The following PRKCE variants were observed in gnomAD, a reference collection of about 807,000 sequenced individuals.
The protein encoded by PRKCE is protein kinase C epsilon, also known as protein kinase C epsilon type.
Under a neutral mutation model 85.4 loss-of-function variants are expected in PRKCE, and 16 were observed. That is an observed-to-expected ratio of 0.19 (90% confidence interval 0.13 to 0.28). The LOEUF is 0.28. Ranked by LOEUF, PRKCE falls within the 10% of genes least tolerant of loss-of-function variation. The probability of loss-of-function intolerance (pLI) is 1.00; values close to 1 mark genes in which losing one functional copy is unlikely to be tolerated. For synonymous variants in PRKCE, 388 were observed against 371.5 expected (o/e 1.04, Z -0.51); for missense variants, 573 against 975.2 (o/e 0.59, Z 5.49).
intron 1 of PRKCE, among the ~76,000 whole-genome samples, chr2:45,660,997 C>A (rs1675610252): frequency 1.3e-5 from 2 of 152,128 alleles, no homozygotes; most frequent in South Asian, 4.1e-4. Flanking sequence ...AGAAGCCTAT[C>A]ATGAAACCCA....
intron 13 of PRKCE, among the ~76,000 whole-genome samples, chr2:46,153,480 A>C (rs1291249892): frequency 6.6e-6 from 1 of 152,204 alleles, no homozygotes; most frequent in East Asian, 1.9e-4. Context: ...GAGGCTCAGG[A>C]AATGAGGAGC....
At chr2:45,958,807 TATATATATA>T (rs1348338956) in intron 2 of PRKCE, among the ~76,000 whole-genome samples, 24 of 27,224 alleles carry the variant, frequency 8.8e-4, no homozygotes, top group African/African-American at 3.2e-3. Flanking sequence ...TATATATATA[TATATATATA>T]TTTTTTTTTT....
chr2:46,018,455 G>A (rs1706355621), intron 10 of PRKCE, among the ~76,000 whole-genome samples: 1 of 152,070 alleles, frequency 6.6e-6, no homozygotes, highest in South Asian at 2.1e-4. Flanking sequence ...GGGCCACAGA[G>A]TGAAACTCCA....
chr2:46,071,314 T>C (rs1668065308), intron 10 of PRKCE, among the ~76,000 whole-genome samples: 1 of 152,238 alleles, frequency 6.6e-6, no homozygotes. Flanking sequence ...CATGGAGCCA[T>C]AGGCTGCTAC....
At position 45,744,475 on chromosome 2, in the gene PRKCE, T is replaced by C. The variant is rs1255435059; in HGVS notation, c.348+92027T>C. 1.2e-4 allele frequency among the ~76,000 whole-genome samples: 7 copies of C among 56,368 alleles called. 1 individual carries two copies. Among genetic ancestry groups the C allele is most frequent in the Non-Finnish European group, 2.2e-4 (6 of 27,896 alleles). The allele number at this position is 56,368 out of a possible 152,430, so 37.0% of individuals were successfully genotyped here. On this transcript the variant is annotated intron_variant, in intron 1 of 14. Coordinates refer to ENST00000306156, the MANE Select transcript of PRKCE (RefSeq NM_005400.3). ...TTTCTTTCTTTCTTTCTTTCTTTCT[T>C]TCTTTCTTTCTTTTTCTTTCTTTCT...
intron 1 of PRKCE, among the ~76,000 whole-genome samples, chr2:45,734,599 C>T (rs1046372192): frequency 6.6e-6 from 1 of 152,198 alleles, no homozygotes; most frequent in Non-Finnish European, 1.5e-5. Flanking sequence ...TTACACAGGT[C>T]CGTGTGTTCT....
At chr2:46,035,177 G>C (rs749555662) in intron 10 of PRKCE, among the ~76,000 whole-genome samples, 1 of 152,144 alleles carries the variant, frequency 6.6e-6, no homozygotes, top group Admixed American at 6.5e-5. Flanking sequence ...AGCTTCCATC[G>C]TCCAGGTGTC....
At chr2:45,667,365 C>T (rs1558538059) in intron 1 of PRKCE, among the ~76,000 whole-genome samples, 1 of 152,082 alleles carries the variant, frequency 6.6e-6, no homozygotes, top group Non-Finnish European at 1.5e-5. Context: ...CCAGGCTGAT[C>T]TCAAACTCCT....
chr2:46,038,253 C>T (rs1402921919), intron 10 of PRKCE, among the ~76,000 whole-genome samples: 3 of 152,144 alleles, frequency 2.0e-5, no homozygotes, highest in Non-Finnish European at 4.4e-5. Flanking sequence ...AAACGCCACA[C>T]TATTGCAGTT....
intron 1 of PRKCE, among the ~76,000 whole-genome samples, chr2:45,773,241 A>G (rs1685483541): frequency 6.6e-6 from 1 of 152,196 alleles, no homozygotes; most frequent in African/African-American, 2.4e-5. Context: ...AGGGTCACCC[A>G]GGCTACAGGA....
intron 1 of PRKCE, among the ~76,000 whole-genome samples, chr2:45,672,983 CA>C (rs1676248775): frequency 6.6e-6 from 1 of 152,238 alleles, no homozygotes; most frequent in Non-Finnish European, 1.5e-5. Context: ...GCTATGATGG[CA>C]CCACTCTACT....
intron 2 of PRKCE, among the ~76,000 whole-genome samples, chr2:45,853,184 A>C (rs556572509): frequency 6.6e-6 from 1 of 152,282 alleles, no homozygotes; most frequent in African/African-American, 2.4e-5. Context: ...CTTATGGGGA[A>C]AGGAGTTGAG....
chr2:46,141,280 TAAAG>T (rs553728369), intron 11 of PRKCE, among the ~76,000 whole-genome samples: 2 of 152,308 alleles, frequency 1.3e-5, no homozygotes, highest in South Asian at 4.1e-4. Flanking sequence ...ATAGCCACAA[TAAAG>T]AATCAGAAGG....
At chr2:45,819,765 G>C (rs577082492) in intron 1 of PRKCE, among the ~76,000 whole-genome samples, 1 of 152,342 alleles carries the variant, frequency 6.6e-6, no homozygotes, top group South Asian at 2.1e-4. Flanking sequence ...CCATGGTGGT[G>C]CTCTGGGAAG....
intron 12 of PRKCE, among the ~76,000 whole-genome samples, chr2:46,148,172 T>C (rs777252889): frequency 6.6e-6 from 1 of 152,204 alleles, no homozygotes; most frequent in Non-Finnish European, 1.5e-5. Context: ...TCCCAGGAAG[T>C]GGCCACCAGC....
At chr2:46,136,550 C>A (rs1409146226) in intron 11 of PRKCE, among the ~76,000 whole-genome samples, 1 of 152,202 alleles carries the variant, frequency 6.6e-6, no homozygotes, top group Non-Finnish European at 1.5e-5. Flanking sequence ...TACTCACCCC[C>A]ACCCCACCTT....
chr2:45,767,600 T>C (rs1224165860), intron 1 of PRKCE, among the ~76,000 whole-genome samples: 1 of 152,198 alleles, frequency 6.6e-6, no homozygotes, highest in African/African-American at 2.4e-5. Context: ...GCACACTCAA[T>C]CTCCGGGGGC....
rs763815560 is a variant in PRKCE, at chr2:45,652,467, C to G, written c.348+19C>G. The G allele has an allele frequency of 5.0e-6, 8 of 1,587,426 alleles. No homozygotes were observed. The highest frequency in any genetic ancestry group is 6.9e-6 in the Non-Finnish European group (8 of 1,167,528). On this transcript the variant is annotated intron_variant, in intron 1 of 14. Coordinates refer to ENST00000306156, the MANE Select transcript of PRKCE (RefSeq NM_005400.3). This position sits in a 1 kb window ranked among gnomAD's most constrained non-coding sequence, Gnocchi z 7.7. ...GGACTGGGTGAGTGCGGCGCCTCCCCGTCATTCCGGGAACCCGGTTGTGGG... is the reference window on the plus strand; with the variant it reads ...GGACTGGGTGAGTGCGGCGCCTCCCGGTCATTCCGGGAACCCGGTTGTGGG...
At chr2:45,972,243 TA>T (rs1410735100) in intron 2 of PRKCE, among the ~76,000 whole-genome samples, 1 of 152,246 alleles carries the variant, frequency 6.6e-6, no homozygotes, top group Non-Finnish European at 1.5e-5. Context: ...AATACCTGTA[TA>T]CCTGTTGGCC....
Sources: gnomAD v4.1 joint callset for allele counts (sites outside exome capture counted in the v4.1 genomes callset) on GRCh38, gnomAD v4.1.1 for gene constraint, Gnocchi (gnomAD v3.1) non-coding constraint, MANE v1.5 for transcripts, NCBI Gene and HGNC (gene_info 2026-07-23, HGNC 2026-07-21) for gene names.